Variants in HOXA7 observed in about 807,000 individuals in gnomAD.
The protein encoded by HOXA7 is homeobox A7.
A neutral mutation model predicts 16.8 loss-of-function variants in HOXA7; 16 were observed. That is an observed-to-expected ratio of 0.95 (90% CI 0.64 to 1.44). The LOEUF (loss-of-function observed/expected upper bound fraction) is 1.44, where lower values mean the gene tolerates loss of function less well. Ranked by LOEUF, HOXA7 falls within the 40% of genes most tolerant of loss-of-function variation. HOXA7 has a pLI of 0.00. For missense variants in HOXA7, 379 were observed against 328.6 expected (o/e 1.15, Z -1.19); for synonymous variants, 169 against 144.3 (o/e 1.17, Z -1.23).
chr7:27,156,396 G>A lies in HOXA7; in HGVS notation c.150C>T (p.Thr50=). Residue 50 remains threonine (T), a synonymous_variant, in exon 1 of 2, where the codon ACC becomes ACT. Coordinates refer to ENST00000242159, the MANE Select transcript of HOXA7 (RefSeq NM_006896.4). ...YGAGAGAFAS[T]VPGLYNVNSP... Reference sequence around the variant, plus strand: ...TGTTGACATTGTATAAGCCCGGAACGGTCGAGGCGAAGGCGCCGGCGCCCG... The same window carrying A: ...TGTTGACATTGTATAAGCCCGGAACAGTCGAGGCGAAGGCGCCGGCGCCCG... The A allele has an allele frequency of 1.2e-6, 2 of 1,613,764 alleles. No homozygotes were observed. The highest frequency in any genetic ancestry group is 1.3e-5 in the African/African-American group (1 of 75,046).
chr7:27,154,902 C>G lies in HOXA7; in HGVS notation c.*7G>C, dbSNP rs924558521. On this transcript the variant is annotated 3_prime_UTR_variant, in exon 2 of 2. Coordinates refer to ENST00000242159, the MANE Select transcript of HOXA7 (RefSeq NM_006896.4). Reference sequence around the variant, plus strand: ...GTCCGGTGCAGAGAGGGCCCCGGATCGGCCCCTCATTCCTCCTCGTCTTCC... The same window carrying G: ...GTCCGGTGCAGAGAGGGCCCCGGATGGGCCCCTCATTCCTCCTCGTCTTCC... 15 of 1,603,074 alleles carry G rather than the reference C, an allele frequency of 9.4e-6. No homozygotes were observed. Among genetic ancestry groups the G allele is most frequent in the Non-Finnish European group, 1.3e-5 (15 of 1,172,418 alleles).
In HOXA7 at chr7:27,156,192, GC is replaced by G; in HGVS notation, c.353del (p.Arg118ProfsTer38). ...CTGAAGACCGCATCCAGGGGTAGAT[GC>G]GGAAATTGGCCTCAGCCGCGCCATG... ...ALHGAAEANF[R>X]IYPWMRSSGP... On this transcript the variant is annotated frameshift_variant, in exon 1 of 2. Coordinates refer to ENST00000242159, the MANE Select transcript of HOXA7 (RefSeq NM_006896.4). LOFTEE classifies it high-confidence loss of function. The G allele has an allele frequency of 6.3e-7, 1 of 1,581,122 alleles. No homozygotes were observed. Among genetic ancestry groups the G allele is most frequent in the Admixed American group, 1.8e-5 (1 of 54,488 alleles).
At chr7:27,155,987 A>T (rs900297061) in intron 1 of HOXA7, 180 bp downstream of exon 1, 3 of 676,260 alleles carry the variant, frequency 4.4e-6, no homozygotes, top group African/African-American at 1.9e-5. Context: ...GCTCCACGCA[A>T]TGGCGCCTCC....
rs750440722 is a variant in HOXA7 at position 27,156,228 on chromosome 7, C to G, written c.318G>C (p.Glu106Asp). The change falls in exon 1 of 2, where the codon GAG becomes GAC. Residue 106 changes from glutamate (E) to aspartate (D), a missense_variant. Glu to Asp is a conservative substitution (Grantham distance 45, BLOSUM62 2). Transcript: ENST00000242159. ...CCTCAGCCGCGCCATGCAGCGCGCC[C>G]TCGTCCGTCTTGTCGCAGGCGCCTT... ...LAKGACDKTDEGALHGAAEAN... is the reference protein window; with the variant it reads ...LAKGACDKTDDGALHGAAEAN... 4.4e-6 allele frequency: 7 copies of G among 1,604,136 alleles called. No individual in the cohort carries two copies. The South Asian group carries it at 7.7e-5, about 18-fold the overall frequency.
intron 1 of HOXA7, chr7:27,155,892 T>C: frequency 2.7e-6 from 1 of 363,860 alleles, no homozygotes; most frequent in Admixed American, 4.6e-5. Flanking sequence ...CCAAGACAAA[T>C]GGAGTTAAAT....
intron 1 of HOXA7, 159 bp from the exon 2 acceptor site, chr7:27,155,381 A>G (rs1282287515): frequency 7.4e-6 from 5 of 679,012 alleles, no homozygotes; most frequent in South Asian, 1.8e-5. Context: ...GAGGAGGGGG[A>G]GTGTTAGGGA....
intron 1 of HOXA7, 62 bp downstream of exon 1, chr7:27,156,105 C>A: frequency 7.1e-7 from 1 of 1,413,622 alleles, no homozygotes; most frequent in Non-Finnish European, 9.2e-7. Context: ...CGCTCCCCAG[C>A]GCTGCGCTCC....
rs767355645 is a variant in HOXA7 at position 27,156,290 on chromosome 7, C to T, written c.256G>A (p.Asp86Asn). 6.2e-6 allele frequency: 10 copies of T among 1,613,470 alleles called. No homozygotes were observed. The African/African-American group carries it at 8.0e-5, about 13-fold the overall frequency. The part of the protein sequence containing the change: ...AYGNLPCASY[D>N]QNIPGLCSDL... The stretch of plus-strand genomic sequence containing the variant: ...CTGCAGAGCCCGGGGATGTTTTGGT[C>T]GTAGGAGGCGCAGGGCAGGTTGCCG... Residue 86 changes from aspartate to asparagine, a missense_variant, in exon 1 of 2, where the codon GAC becomes AAC. By Grantham distance (23) the Asp-to-Asn change is conservative (BLOSUM62 1). Coordinates refer to ENST00000242159, the MANE Select transcript of HOXA7 (RefSeq NM_006896.4).
Position 27,154,887 on chromosome 7 carries a change from G to C in HOXA7, c.*22C>G. ...GACGCTTTTCCGACTGTCCGGTGCA[G>C]AGAGGGCCCCGGATCGGCCCCTCAT... On this transcript the variant is annotated 3_prime_UTR_variant, in exon 2 of 2. Transcript: ENST00000242159. 6.3e-7 allele frequency: 1 copy of C among 1,596,370 alleles called. No individual in the cohort carries two copies. The highest frequency in any genetic ancestry group is 2.2e-5 in the East Asian group (1 of 44,572).
At position 27,153,980 on chromosome 7, in the gene HOXA7, T is replaced by TA. The variant is rs550176855; in HGVS notation, c.*928dup. ...ATGAACTCCAAGACTATAGAAATGATAAAAAAAAATCTTGTTCAAATATAC... is the reference window on the plus strand; with the variant it reads ...ATGAACTCCAAGACTATAGAAATGATAAAAAAAAAATCTTGTTCAAATATAC... On this transcript the variant is annotated 3_prime_UTR_variant, in exon 2 of 2. Transcript: ENST00000242159. 0.035 allele frequency: 5,299 copies of TA among 152,294 alleles called. 106 individuals carry two copies. The highest frequency in any genetic ancestry group is 0.046 in the Non-Finnish European group (3,149 of 67,946). The allele number at this position is 152,294 out of a possible 1,614,324, so 9.4% of individuals were successfully genotyped here.
At chr7:27,155,267 A>T in intron 1 of HOXA7, 45 bp from the exon 2 acceptor site, 4 of 1,569,190 alleles carry the variant, frequency 2.5e-6, no homozygotes, top group Non-Finnish European at 3.5e-6. Context: ...ACAGACAAGT[A>T]GACAGGGCAC....
At position 27,156,219 on chromosome 7, in the gene HOXA7, C is replaced by T. The variant is rs764327365; in HGVS notation, c.327G>A (p.Leu109=). The change falls in exon 1 of 2, where the codon CTG becomes CTA. Residue 109 remains leucine, a synonymous_variant. Transcript: ENST00000242159. ...GGAAATTGGCCTCAGCCGCGCCATGCAGCGCGCCCTCGTCCGTCTTGTCGC... is the reference window on the plus strand; with the variant it reads ...GGAAATTGGCCTCAGCCGCGCCATGTAGCGCGCCCTCGTCCGTCTTGTCGC... ...GACDKTDEGA[L]HGAAEANFRI... 3 of 1,599,802 alleles carry T rather than the reference C, an allele frequency of 1.9e-6. No homozygotes were observed. The highest frequency in any genetic ancestry group is 2.6e-6 in the Non-Finnish European group (3 of 1,173,214).
In HOXA7 at chr7:27,156,273, C is replaced by G. The variant is rs948096533; in HGVS notation, c.273G>C (p.Gly91=). Residue 91 remains glycine (G), a synonymous_variant, in exon 1 of 2, where the codon GGG becomes GGC. Transcript: ENST00000242159. ...CGCCTTTGGCGAGGTCACTGCAGAG[C>G]CCGGGGATGTTTTGGTCGTAGGAGG... ...PCASYDQNIP[G]LCSDLAKGAC... The G allele has an allele frequency of 6.2e-7, 1 of 1,613,088 alleles. No individual in the cohort carries two copies. Among genetic ancestry groups the G allele is most frequent in the Non-Finnish European group, 8.5e-7 (1 of 1,179,676 alleles).
chr7:27,155,546 G>T (rs1263389225), intron 1 of HOXA7: 1 of 347,262 alleles, frequency 2.9e-6, no homozygotes, highest in Non-Finnish European at 5.3e-6. Flanking sequence ...GTGTGAGCAA[G>T]TGGGAAACGC....
Position 27,155,099 on chromosome 7 carries a change from C to A in HOXA7, c.503G>T (p.Cys168Phe). The A allele has an allele frequency of 6.2e-7, 1 of 1,614,240 alleles. No homozygotes were observed. The highest frequency in any genetic ancestry group is 8.5e-7 in the Non-Finnish European group (1 of 1,180,046). The change falls in exon 2 of 2, where the codon TGC (cysteine) becomes TTC (phenylalanine). Residue 168 changes from cysteine to phenylalanine, a missense_variant. Cys to Phe is a radical substitution (Grantham distance 205). Coordinates refer to ENST00000242159, the MANE Select transcript of HOXA7 (RefSeq NM_006896.4). Reference protein sequence around the residue: ...RRRIEIAHALCLTERQIKIWF... With the variant: ...RRRIEIAHALFLTERQIKIWF... ...GATCTTAATCTGGCGCTCGGTGAGG[C>A]AGAGCGCGTGGGCGATTTCAATGCG... is the stretch of plus-strand genomic sequence containing the variant.
intron 1 of HOXA7, chr7:27,155,686 T>G: frequency 5.9e-6 from 1 of 169,280 alleles, no homozygotes; most frequent in Non-Finnish European, 1.3e-5. Flanking sequence ...CTGTCCTCAT[T>G]CCCTCGCCCC....
In HOXA7 at chr7:27,156,354, G is replaced by T; in HGVS notation, c.192C>A (p.Ser64Arg). The change falls in exon 1 of 2, where the codon AGC becomes AGA. Residue 64 changes from serine (S) to arginine (R), a missense_variant. By Grantham distance (110) the Ser-to-Arg change is moderately radical. Coordinates refer to ENST00000242159, the MANE Select transcript of HOXA7 (RefSeq NM_006896.4). Reference protein sequence around the residue: ...LYNVNSPLYQSPFASGYGLGA... With the variant: ...LYNVNSPLYQRPFASGYGLGA... ...CCAGGCCGTAGCCGGACGCAAAGGG[G>T]CTCTGATAAAGGGGGCTGTTGACAT... 1 of 1,614,152 alleles carries T rather than the reference G, an allele frequency of 6.2e-7. No individual in the cohort carries two copies. Among genetic ancestry groups the T allele is most frequent in the Non-Finnish European group, 8.5e-7 (1 of 1,180,020 alleles).
At position 27,154,810 on chromosome 7, in the gene HOXA7, ATTTTC is replaced by A. The variant is rs2128065885; in HGVS notation, c.*94_*98del. On this transcript the variant is annotated 3_prime_UTR_variant, in exon 2 of 2. Transcript: ENST00000242159. ...TTTTGTTTTTGTTTTTGTTTTTTACATTTTCTTTTATTTTTCCCATTTTTGTAAGT... is the reference window on the plus strand; with the variant it reads ...TTTTGTTTTTGTTTTTGTTTTTTACATTTTATTTTTCCCATTTTTGTAAGT... 10 of 1,453,462 alleles carry A rather than the reference ATTTTC, an allele frequency of 6.9e-6. 1 individual carries two copies. In the South Asian group the frequency reaches 8.9e-5, roughly 13 times the overall value. The allele number at this position is 1,453,462 out of a possible 1,614,324, so 90.0% of individuals were successfully genotyped here.
chr7:27,155,409 G>T, intron 1 of HOXA7, 187 bp from the exon 2 acceptor site: 1 of 611,826 alleles, frequency 1.6e-6, no homozygotes, highest in Non-Finnish European at 2.9e-6. Context: ...CAACTGCAGT[G>T]CCAGACGCGC....
Sources: allele counts gnomAD v4.1 joint callset, GRCh38; gene constraint gnomAD v4.1.1; transcripts MANE v1.5; gene names NCBI Gene and HGNC (gene_info 2026-07-23, HGNC 2026-07-21).